CDK14: variants seen among roughly 807,000 people sequenced by gnomAD.
The protein encoded by CDK14 is cyclin dependent kinase 14.
A neutral mutation model predicts 60.7 loss-of-function variants in CDK14; 34 were observed. That is an observed-to-expected ratio of 0.56 (90% confidence interval 0.43 to 0.75). The LOEUF is 0.75. Among genes scored for constraint, CDK14 ranks in the 30% least tolerant of loss-of-function variants. The probability of loss-of-function intolerance (pLI) is 0.00; values close to 1 mark genes in which losing one functional copy is unlikely to be tolerated. For synonymous variants in CDK14, 197 were observed against 203.7 expected (o/e 0.97, Z 0.28); for missense variants, 482 against 564.1 (o/e 0.85, Z 1.47).
intron 6 of CDK14, among the ~76,000 whole-genome samples, chr7:90,880,757 C>T (rs1189412893): frequency 6.6e-6 from 1 of 152,070 alleles, no homozygotes; most frequent in Non-Finnish European, 1.5e-5. Context: ...TCTGCAGCCT[C>T]CTTGAGTGAC....
chr7:91,114,020 T>C (rs1046480443), intron 13 of CDK14, among the ~76,000 whole-genome samples: 2 of 152,194 alleles, frequency 1.3e-5, no homozygotes, highest in African/African-American at 4.8e-5. Context: ...TTTTTTTAAA[T>C]TAAAAATTAA....
At chr7:91,171,390 G>A (rs1385948820) in intron 14 of CDK14, among the ~76,000 whole-genome samples, 2 of 152,048 alleles carry the variant, frequency 1.3e-5, no homozygotes, top group Non-Finnish European at 2.9e-5. Context: ...TTTTCCATTT[G>A]AAGCAGACTT....
chr7:90,880,598 T>G (rs1325690989), intron 6 of CDK14, among the ~76,000 whole-genome samples: 2 of 152,104 alleles, frequency 1.3e-5, no homozygotes, highest in Non-Finnish European at 2.9e-5. Flanking sequence ...CTTCCTTAAA[T>G]AGTTCCTGCT....
chr7:90,636,346 G>T (rs552616497), intron 2 of CDK14, among the ~76,000 whole-genome samples: 4 of 152,258 alleles, frequency 2.6e-5, no homozygotes, highest in African/African-American at 7.2e-5. Flanking sequence ...TAGCATGAAG[G>T]TTATTGAATT....
chr7:91,004,038 A>G (rs949741407), intron 10 of CDK14, among the ~76,000 whole-genome samples: 21 of 152,196 alleles, frequency 1.4e-4, no homozygotes, highest in Non-Finnish European at 2.8e-4. Context: ...TATAGCATTA[A>G]AATCTTATAC....
chr7:90,733,276 T>C (rs2116741294), intron 3 of CDK14, among the ~76,000 whole-genome samples: 1 of 152,334 alleles, frequency 6.6e-6, no homozygotes, highest in Middle Eastern at 3.4e-3. Context: ...AATTTTAGTG[T>C]ATGTGTGATG....
At chr7:91,107,560 G>C (rs1799342676) in intron 12 of CDK14, 1 of 152,200 alleles carries the variant, frequency 6.6e-6, no homozygotes, top group African/African-American at 2.4e-5. Flanking sequence ...TCTTGGAGAG[G>C]CTAGTTGTTG....
chr7:91,138,211 G>A (rs1328018699), intron 14 of CDK14, among the ~76,000 whole-genome samples: 2 of 152,138 alleles, frequency 1.3e-5, no homozygotes, highest in African/African-American at 4.8e-5. Flanking sequence ...TATAATTGCT[G>A]CAATTCTGTA....
chr7:91,012,924 T>G (rs1796202354), intron 10 of CDK14, among the ~76,000 whole-genome samples: 1 of 152,220 alleles, frequency 6.6e-6, no homozygotes, highest in Non-Finnish European at 1.5e-5. Context: ...GTAGGAAATG[T>G]CAGACAACAC....
chr7:90,805,699 C>A (rs975509794), intron 5 of CDK14, among the ~76,000 whole-genome samples: 3 of 151,896 alleles, frequency 2.0e-5, no homozygotes, highest in African/African-American at 7.3e-5. Context: ...TAAGATGACA[C>A]CTCACCCCAA....
At chr7:90,808,768 G>A (rs1788967683) in intron 5 of CDK14, among the ~76,000 whole-genome samples, 1 of 152,068 alleles carries the variant, frequency 6.6e-6, no homozygotes, top group South Asian at 2.1e-4. Flanking sequence ...AGGGATGGAG[G>A]AAGATCTACC....
At chr7:90,830,000 G>A (rs1158773097) in intron 5 of CDK14, among the ~76,000 whole-genome samples, 3 of 152,180 alleles carry the variant, frequency 2.0e-5, no homozygotes, top group Non-Finnish European at 4.4e-5. Context: ...GAATGTCTGT[G>A]GCTTTTCCAG....
intron 10 of CDK14, among the ~76,000 whole-genome samples, chr7:90,991,797 GT>G (rs759514850): frequency 6.6e-6 from 1 of 152,182 alleles, no homozygotes; most frequent in Non-Finnish European, 1.5e-5. Context: ...TCTCCTTGAT[GT>G]TTTGGTGATG....
intron 2 of CDK14, among the ~76,000 whole-genome samples, chr7:90,622,010 T>C (rs1237312624): frequency 6.6e-6 from 1 of 152,164 alleles, no homozygotes; most frequent in Non-Finnish European, 1.5e-5. Flanking sequence ...TTGATGATGA[T>C]TGGGTTACAT....
chr7:90,997,789 C>A (rs934757817), intron 10 of CDK14, among the ~76,000 whole-genome samples: 2 of 152,052 alleles, frequency 1.3e-5, no homozygotes, highest in Non-Finnish European at 2.9e-5. Flanking sequence ...GATATATGCA[C>A]ATTTAATTTG....
At chr7:91,152,096 C>A (rs1192581077) in intron 14 of CDK14, among the ~76,000 whole-genome samples, 1 of 152,178 alleles carries the variant, frequency 6.6e-6, no homozygotes, top group East Asian at 1.9e-4. Context: ...TCTCCAAAGC[C>A]TCACGGAAAA....
chr7:90,996,149 T>C (rs1345677011), intron 10 of CDK14, among the ~76,000 whole-genome samples: 4 of 152,186 alleles, frequency 2.6e-5, no homozygotes, highest in African/African-American at 9.7e-5. Flanking sequence ...TAGTATCAGG[T>C]GACTATTATT....
intron 14 of CDK14, among the ~76,000 whole-genome samples, chr7:91,199,855 A>T (rs779741286): frequency 4.6e-5 from 7 of 152,198 alleles, no homozygotes; most frequent in Non-Finnish European, 7.4e-5. Flanking sequence ...GTTAAGCTTA[A>T]AACAAAGCCT....
At chr7:90,657,500 G>A (rs557290803) in intron 2 of CDK14, among the ~76,000 whole-genome samples, 5 of 152,302 alleles carry the variant, frequency 3.3e-5, no homozygotes, top group Admixed American at 1.3e-4. Context: ...TGTTGGCAGA[G>A]ATGTTCTAGA....
Sources: allele counts gnomAD v4.1 joint callset (sites outside exome capture counted in the v4.1 genomes callset), GRCh38; gene constraint gnomAD v4.1.1; transcripts MANE v1.5; gene names NCBI Gene and HGNC (gene_info 2026-07-23, HGNC 2026-07-21).